KIF21A: variants seen among roughly 807,000 people sequenced by gnomAD.
KIF21A encodes the protein kinesin-like protein KIF21A.
KIF21A carries 114 observed loss-of-function variants against 202.9 expected under a neutral mutation model. That is an observed-to-expected ratio of 0.56 (90% CI 0.48 to 0.66). The LOEUF is 0.66. Among genes scored for constraint, KIF21A ranks in the 30% least tolerant of loss-of-function variants. KIF21A has a pLI of 0.00. For synonymous variants in KIF21A, 667 were observed against 670.8 expected, an observed-to-expected ratio of 0.99 and a Z score of 0.09; for missense variants, 1,677 against 1,994.9, an observed-to-expected ratio of 0.84 and a Z score of 3.04.
In KIF21A at chr12:39,424,469, C is replaced by T. The variant is rs150940600; in HGVS notation, c.44+18458G>A. On this transcript the variant is annotated intron_variant, in intron 1 of 37. Coordinates refer to ENST00000361418, the MANE Select transcript of KIF21A (RefSeq NM_001173464.2). ...CTGTTGACTCTCAAAAGTTTATCTT[C>T]AGACCAGACATCTTCCCTGTGATCC... 3.3e-3 allele frequency among the ~76,000 whole-genome samples: 498 copies of T among 152,334 alleles called. 2 individuals carry two copies. The highest frequency in any genetic ancestry group is 0.011 in the African/African-American group (460 of 41,578).
At chr12:39,407,139 C>T (rs1201851452) in intron 1 of KIF21A, among the ~76,000 whole-genome samples, 1 of 152,192 alleles carries the variant, frequency 6.6e-6, no homozygotes. Context: ...GTCGATTCTT[C>T]CCTTCCCAGT....
Position 39,320,312 on chromosome 12 carries a change from G to A in KIF21A, c.3672-299C>T, listed in dbSNP as rs909758840. On this transcript the variant is annotated intron_variant, in intron 27 of 37. Coordinates refer to ENST00000361418, the MANE Select transcript of KIF21A (RefSeq NM_001173464.2). ...TAGCCACAACAAATATTTTAGATGT[G>A]TTTTAATTTCATTGGTAATTATTTC... Among the ~76,000 whole-genome samples the A allele has an allele frequency of 3.9e-5, 6 of 152,144 alleles. No individual in the cohort carries two copies. The South Asian group carries it at 1.0e-3, about 26-fold the overall frequency.
chr12:39,386,659 G>A (rs115206782), intron 1 of KIF21A, among the ~76,000 whole-genome samples: 15,547 of 152,132 alleles, frequency 0.1, 1,834 homozygotes, highest in African/African-American at 0.29. Flanking sequence ...GCTACTTCTT[G>A]CTGTTCTCAA....
At chr12:39,417,412 A>T (rs1261257624) in intron 1 of KIF21A, among the ~76,000 whole-genome samples, 1 of 152,190 alleles carries the variant, frequency 6.6e-6, no homozygotes, top group African/African-American at 2.4e-5. Flanking sequence ...TTTAGATTTT[A>T]CCAAATTTTC....
At chr12:39,303,639 T>C (rs543370456) in intron 35 of KIF21A, among the ~76,000 whole-genome samples, 10 of 152,352 alleles carry the variant, frequency 6.6e-5, no homozygotes, top group African/African-American at 1.9e-4. Context: ...CCAGATTTTT[T>C]TCATGTATAA....
intron 1 of KIF21A, among the ~76,000 whole-genome samples, chr12:39,436,636 C>CAA (rs113310174): frequency 0.058 from 4,930 of 84,964 alleles, 307 homozygotes; most frequent in African/African-American, 0.18. Flanking sequence ...TTAATAATTG[C>CAA]AAAAAAAAAA....
chr12:39,322,163 T>G (rs1185622647), intron 27 of KIF21A: 1 of 153,382 alleles, frequency 6.5e-6, no homozygotes, highest in South Asian at 2.1e-4. Context: ...ATATGCAATA[T>G]GCTTCAAGGT....
chr12:39,351,363 T>A (rs1378876895), intron 11 of KIF21A, among the ~76,000 whole-genome samples: 1 of 152,098 alleles, frequency 6.6e-6, no homozygotes, highest in Non-Finnish European at 1.5e-5. Context: ...AGCCTTTAGT[T>A]AAACTAATCT....
intron 14 of KIF21A, 28 bp from the exon 15 acceptor site, chr12:39,341,122 C>A (rs373221845): frequency 6.5e-6 from 10 of 1,530,772 alleles, no homozygotes; most frequent in Non-Finnish European, 8.0e-6. Context: ...AAATAAAAAT[C>A]CTGGTGCTAG....
intron 16 of KIF21A, among the ~76,000 whole-genome samples, chr12:39,339,301 T>C (rs1349538259): frequency 6.6e-6 from 1 of 152,088 alleles, no homozygotes; most frequent in Non-Finnish European, 1.5e-5. Context: ...ATACCTTTTC[T>C]ATGTTTAGAT....
Position 39,416,661 on chromosome 12 carries a change from A to ATATATATATATGTACATATATATGTG in KIF21A, c.44+26265_44+26266insCACATATATATGTACATATATATATA, listed in dbSNP as rs1566265680. ...TATATATATGTACATATATATGTGT[A>ATATATATATATGTACATATATATGTG]TATATATATGTACATATATATGTGT... On this transcript the variant is annotated intron_variant, in intron 1 of 37. Coordinates refer to ENST00000361418, the MANE Select transcript of KIF21A (RefSeq NM_001173464.2). Among the ~76,000 whole-genome samples the ATATATATATATGTACATATATATGTG allele has an allele frequency of 8.7e-5, 9 of 103,584 alleles. 1 individual carries two copies. The highest frequency in any genetic ancestry group is 2.2e-4 in the East Asian group (1 of 4,562). The allele number at this position is 103,584 out of a possible 152,430, so 68.0% of individuals were successfully genotyped here. A position where few individuals can be genotyped will look rare whatever the true frequency, so the allele number is the denominator to read the frequency against.
rs1351662888 is a variant in KIF21A at position 39,442,944 on chromosome 12, G to A, written c.27C>T (p.Ser9=). 5.9e-6 allele frequency: 9 copies of A among 1,524,052 alleles called. No homozygotes were observed. Among genetic ancestry groups the A allele is most frequent in the Non-Finnish European group, 7.9e-6 (9 of 1,142,790 alleles). The allele number at this position is 1,524,052 out of a possible 1,614,324, so 94.4% of individuals were successfully genotyped here. Residue 9 remains serine (S), a synonymous_variant, in exon 1 of 38, where the codon TCC becomes TCT. Coordinates refer to ENST00000361418, the MANE Select transcript of KIF21A (RefSeq NM_001173464.2). The surrounding 1 kb of genome is among the most constrained non-coding windows in gnomAD (Gnocchi z 5.0). MLGAPDES[S]VRVAVRIRPQ... is the part of the protein sequence containing the mutation. The stretch of plus-strand genomic sequence containing the variant: ...GTCCTCACCTGACAGCCACCCGCAC[G>A]GAGCTCTCGTCCGGGGCGCCCAACA...
Position 39,341,034 on chromosome 12 carries a change from A to G in KIF21A, c.1982T>C (p.Ile661Thr). ...TCEIAIKQKL[I>T]DELENSQKRL... ...TTTCTGGCTGTTTTCTAGTTCATCA[A>G]TCAGCTTTTGCTTAATTGCAATTTC... Residue 661 changes from isoleucine (I) to threonine (T), a missense_variant, in exon 15 of 38, where the codon ATT (isoleucine) becomes ACT (threonine). Around this residue, in one of 3 missense-constraint regions of KIF21A, gnomAD observed 966 missense variants for 1,180.9 expected, o/e 0.82. Coordinates refer to ENST00000361418, the MANE Select transcript of KIF21A (RefSeq NM_001173464.2). 1 of 1,612,532 alleles carries G rather than the reference A, an allele frequency of 6.2e-7. No homozygotes were observed. Among genetic ancestry groups the G allele is most frequent in the Non-Finnish European group, 8.5e-7 (1 of 1,179,140 alleles).
chr12:39,356,843 G>A lies in KIF21A; in HGVS notation c.1458C>T (p.Ile486=), dbSNP rs200512673. The change falls in exon 10 of 38, where the codon ATC becomes ATT. Residue 486 remains isoleucine, a synonymous_variant. Transcript: ENST00000361418. ...SNMIHSYIKE[I]EDLRAKLLES... ...AACATGAACTATACCTGAGATCTTC[G>A]ATTTCTTTTATATAACTATGAATCA... The A allele has an allele frequency of 7.4e-6, 9 of 1,216,538 alleles. No individual in the cohort carries two copies. The highest frequency in any genetic ancestry group is 1.5e-5 in the African/African-American group (1 of 67,182). 75.4% of individuals were successfully genotyped at this position (1,216,538 alleles called of 1,614,324 possible). A position where few individuals can be genotyped will look rare whatever the true frequency, so the allele number is the denominator to read the frequency against.
chr12:39,416,715 G>GCA (rs1555198319), intron 1 of KIF21A, among the ~76,000 whole-genome samples: 1 of 74,328 alleles, frequency 1.3e-5, no homozygotes, highest in East Asian at 4.0e-4. Flanking sequence ...ATATATGTGT[G>GCA]TATATATGTA....
At chr12:39,407,905 A>AATCAGTAGCAT (rs1952735110) in intron 1 of KIF21A, among the ~76,000 whole-genome samples, 1 of 147,054 alleles carries the variant, frequency 6.8e-6, no homozygotes, top group Non-Finnish European at 1.5e-5. Flanking sequence ...TAGCATATAA[A>AATCAGTAGCAT]TATATGCTAA....
intron 37 of KIF21A, 34 bp from the exon 38 acceptor site, chr12:39,294,551 A>C (rs1308491143): frequency 6.8e-7 from 1 of 1,465,692 alleles, no homozygotes; most frequent in South Asian, 1.1e-5. Flanking sequence ...GGATATATGA[A>C]CAAGGGCAGA....
At chr12:39,297,518 A>G (rs1942506306) in intron 37 of KIF21A, among the ~76,000 whole-genome samples, 1 of 144,262 alleles carries the variant, frequency 6.9e-6, no homozygotes, top group East Asian at 2.2e-4. Flanking sequence ...ATTCTCACTC[A>G]TAGGTGGGAA....
Position 39,442,980 on chromosome 12 carries a change from G to A in KIF21A, c.-10C>T, listed in dbSNP as rs1039725097. On this transcript the variant is annotated 5_prime_UTR_variant, in exon 1 of 38. Transcript: ENST00000361418. This position sits in a 1 kb window ranked among gnomAD's most constrained non-coding sequence, Gnocchi z 5.0. The stretch of plus-strand genomic sequence containing the variant: ...CCGGGGCGCCCAACATGCTGGCGGC[G>A]GGCAGCGATCGAGCCGTTGGGCCTC... 14 of 1,519,480 alleles carry A rather than the reference G, an allele frequency of 9.2e-6. No homozygotes were observed. Among genetic ancestry groups the A allele is most frequent in the Admixed American group, 2.0e-5 (1 of 50,062 alleles). 94.1% of individuals were successfully genotyped at this position (1,519,480 alleles called of 1,614,324 possible).
Sources: allele counts gnomAD v4.1 joint callset (sites outside exome capture counted in the v4.1 genomes callset), GRCh38; gene constraint gnomAD v4.1.1; regional missense constraint gnomAD v4.1.1; non-coding constraint Gnocchi (gnomAD v3.1); transcripts MANE v1.5; gene names NCBI Gene and HGNC (gene_info 2026-07-23, HGNC 2026-07-21).